LINC00305: variants seen among roughly 807,000 people sequenced by gnomAD.
LINC00305 encodes the protein long intergenic non-protein coding RNA 305.
chr18:64,085,471 T>C (rs1489645545), intron 3 of LINC00305, among the ~76,000 whole-genome samples: 1 of 152,130 alleles, frequency 6.6e-6, no homozygotes, highest in Non-Finnish European at 1.5e-5. Flanking sequence ...TGTCACTTTT[T>C]TTTTTTTTTG....
At chr18:64,099,338 A>T (rs746706232) in intron 1 of LINC00305, among the ~76,000 whole-genome samples, 3 of 152,090 alleles carry the variant, frequency 2.0e-5, no homozygotes, top group Non-Finnish European at 4.4e-5. Context: ...TGAGGTGGTG[A>T]TGGGTGAAAA....
intron 1 of LINC00305, among the ~76,000 whole-genome samples, chr18:64,114,896 G>T (rs2051331031): frequency 6.6e-6 from 1 of 152,224 alleles, no homozygotes; most frequent in Non-Finnish European, 1.5e-5. Context: ...GATAGTGAGT[G>T]TTGTGATGAT....
chr18:64,086,538 AC>A (rs1267848611), intron 3 of LINC00305, among the ~76,000 whole-genome samples: 1 of 152,194 alleles, frequency 6.6e-6, no homozygotes, highest in African/African-American at 2.4e-5. Flanking sequence ...TGCTCATTTG[AC>A]CTTTGATTCA....
chr18:64,132,655 G>T (rs1029492154), intron 1 of LINC00305, among the ~76,000 whole-genome samples: 6 of 152,272 alleles, frequency 3.9e-5, no homozygotes, highest in Middle Eastern at 3.4e-3. Flanking sequence ...GTGTAGCCTG[G>T]CTCCATAGTG....
chr18:64,125,737 A>G (rs2051382308), intron 1 of LINC00305, among the ~76,000 whole-genome samples: 1 of 152,218 alleles, frequency 6.6e-6, no homozygotes, highest in Admixed American at 6.6e-5. Flanking sequence ...GTGTTGCCCC[A>G]AAACCATGCA....
At chr18:64,119,098 C>T (rs901068256) in intron 1 of LINC00305, among the ~76,000 whole-genome samples, 3 of 152,128 alleles carry the variant, frequency 2.0e-5, no homozygotes, top group South Asian at 2.1e-4. Context: ...CACAGTTTAG[C>T]TGAAGAGCTA....
intron 1 of LINC00305, among the ~76,000 whole-genome samples, chr18:64,099,905 C>T (rs1019655674): frequency 6.6e-6 from 1 of 152,106 alleles, no homozygotes; most frequent in African/African-American, 2.4e-5. Flanking sequence ...TACAGCTTTT[C>T]GGAACACAAA....
intron 3 of LINC00305, among the ~76,000 whole-genome samples, chr18:64,090,980 T>G (rs1481455339): frequency 1.3e-5 from 2 of 152,226 alleles, no homozygotes; most frequent in Non-Finnish European, 2.9e-5. Flanking sequence ...TTACCAACAC[T>G]TTCTGCCATT....
chr18:64,106,486 T>A (rs1442796470), intron 1 of LINC00305, among the ~76,000 whole-genome samples: 1 of 152,166 alleles, frequency 6.6e-6, no homozygotes, highest in Non-Finnish European at 1.5e-5. Flanking sequence ...AGATGCCCTC[T>A]CCCTCTGCCC....
rs1401618677 is a variant in LINC00305 at position 64,142,161 on chromosome 18, G to A, written n.314+6614C>T. Among the ~76,000 whole-genome samples, 8 of 152,318 alleles carry A rather than the reference G, an allele frequency of 5.3e-5. No individual in the cohort carries two copies. The East Asian group carries it at 1.4e-3, about 26-fold the overall frequency. On this transcript the variant is annotated intron_variant and non_coding_transcript_variant, in intron 1 of 3. Transcript: ENST00000666468. ...ACATTTTCCCCAACAATGTGGATAC[G>A]TGTTTTAATCAGCATGGGGCTTTCA...
intron 1 of LINC00305, among the ~76,000 whole-genome samples, chr18:64,137,123 G>A (rs1393941328): frequency 1.3e-5 from 2 of 152,268 alleles, no homozygotes; most frequent in Non-Finnish European, 2.9e-5. Flanking sequence ...TAAGGGAGAG[G>A]ATAGGGGAAT....
chr18:64,116,001 T>G (rs967265149), intron 1 of LINC00305, among the ~76,000 whole-genome samples: 1 of 152,188 alleles, frequency 6.6e-6, no homozygotes, highest in Non-Finnish European at 1.5e-5. Flanking sequence ...GTAAGGCCAA[T>G]AAGCCAACAG....
intron 3 of LINC00305, among the ~76,000 whole-genome samples, chr18:64,090,822 G>T (rs2051222186): frequency 6.6e-6 from 1 of 152,110 alleles, no homozygotes; most frequent in South Asian, 2.1e-4. Context: ...GCAAATATTA[G>T]AGCATTTAGC....
chr18:64,105,446 G>A (rs781278505), intron 1 of LINC00305, among the ~76,000 whole-genome samples: 1 of 152,148 alleles, frequency 6.6e-6, no homozygotes, highest in African/African-American at 2.4e-5. Flanking sequence ...GTGACAGAGT[G>A]AGATTCCGTC....
chr18:64,099,958 C>T (rs532919619), intron 1 of LINC00305, among the ~76,000 whole-genome samples: 35 of 152,160 alleles, frequency 2.3e-4, no homozygotes, highest in African/African-American at 7.5e-4. Context: ...TCCGTGTTGC[C>T]CTGGGCATTA....
chr18:64,137,415 T>A (rs990649161), intron 1 of LINC00305, among the ~76,000 whole-genome samples: 41 of 152,242 alleles, frequency 2.7e-4, no homozygotes, highest in African/African-American at 9.2e-4. Flanking sequence ...GCAACAGATG[T>A]GGCACTTCAG....
At chr18:64,126,455 G>T (rs1460715508) in intron 1 of LINC00305, among the ~76,000 whole-genome samples, 1 of 151,836 alleles carries the variant, frequency 6.6e-6, no homozygotes, top group Non-Finnish European at 1.5e-5. Context: ...ATCGAAATAG[G>T]CATTATTAGG....
rs1295813746 is a variant in LINC00305, at chr18:64,088,317, C to T, written n.541-7915G>A. On this transcript the variant is annotated intron_variant and non_coding_transcript_variant, in intron 3 of 3. Transcript: ENST00000666468. The stretch of plus-strand genomic sequence containing the variant: ...CCAAATAATTCTTCTGTTTCCATCT[C>T]CTTATTTCTTCTCCCACCATCCTGA... Among the ~76,000 whole-genome samples, 4 of 152,192 alleles carry T rather than the reference C, an allele frequency of 2.6e-5. No individual in the cohort carries two copies. In the South Asian group the frequency reaches 6.2e-4, roughly 24 times the overall value.
intron 3 of LINC00305, among the ~76,000 whole-genome samples, chr18:64,082,250 C>T (rs978186690): frequency 6.6e-6 from 1 of 151,990 alleles, no homozygotes; most frequent in African/African-American, 2.4e-5. Flanking sequence ...CAGATGGCAC[C>T]ACCTAGACTG....
Sources: allele counts gnomAD v4.1 joint callset (sites outside exome capture counted in the v4.1 genomes callset), GRCh38; gene constraint gnomAD v4.1.1; transcripts MANE v1.5; gene names NCBI Gene and HGNC (gene_info 2026-07-23, HGNC 2026-07-21).